The following ANKRD12 variants were observed in gnomAD, a reference collection of about 807,000 sequenced individuals.
ANKRD12 encodes the protein ankyrin repeat domain-containing protein 12.
Under a neutral mutation model 183.4 loss-of-function variants are expected in ANKRD12, and 85 were observed. The ratio of observed to expected loss-of-function variants is 0.46; its 90% confidence interval spans 0.39 to 0.56. ANKRD12 has a LOEUF of 0.56. Among genes scored for constraint, ANKRD12 ranks in the 20% least tolerant of loss-of-function variants. The pLI is 0.00. For missense variants in ANKRD12, 2,405 were observed against 2,357.1 expected (o/e 1.02, Z -0.42); for synonymous variants, 914 against 800.2 (o/e 1.14, Z -2.40).
At chr18:9,150,154 G>A (rs572224054) in intron 1 of ANKRD12, among the ~76,000 whole-genome samples, 1 of 152,240 alleles carries the variant, frequency 6.6e-6, no homozygotes, top group South Asian at 2.1e-4. Context: ...TTCCCGAAAG[G>A]TATAATATTT....
Position 9,281,434 on chromosome 18 carries a change from A to C in ANKRD12, c.*308A>C, listed in dbSNP as rs1468272008. 1 of 189,996 alleles carries C rather than the reference A, an allele frequency of 5.3e-6. No individual in the cohort carries two copies. The highest frequency in any genetic ancestry group is 1.3e-4 in the East Asian group (1 of 7,414). 11.8% of individuals were successfully genotyped at this position (189,996 alleles called of 1,614,324 possible). On this transcript the variant is annotated 3_prime_UTR_variant, in exon 13 of 13. Coordinates refer to ENST00000262126, the MANE Select transcript of ANKRD12 (RefSeq NM_015208.5). ...TCTGCTAACAGCGCTGGAAGTTGTT[A>C]GCGCTCTAAGTAATAAGATAACCAC...
At chr18:9,168,763 T>G (rs2032359970) in intron 1 of ANKRD12, among the ~76,000 whole-genome samples, 1 of 152,212 alleles carries the variant, frequency 6.6e-6, no homozygotes, top group Admixed American at 6.5e-5. Context: ...TTCTGCTACC[T>G]TTTGAATGTG....
intron 1 of ANKRD12, among the ~76,000 whole-genome samples, chr18:9,181,412 G>T (rs2033690775): frequency 6.6e-6 from 1 of 152,322 alleles, no homozygotes; most frequent in Admixed American, 6.5e-5. Flanking sequence ...AGCTAACTTA[G>T]ATCTATGATA....
intron 1 of ANKRD12, among the ~76,000 whole-genome samples, chr18:9,172,592 A>C (rs910295477): frequency 6.6e-6 from 1 of 152,152 alleles, no homozygotes; most frequent in Non-Finnish European, 1.5e-5. Context: ...GCTCCTCTCT[A>C]AACTGGCTAT....
intron 1 of ANKRD12, among the ~76,000 whole-genome samples, chr18:9,152,542 T>TA (rs555157245): frequency 6.6e-4 from 100 of 152,194 alleles, no homozygotes; most frequent in African/African-American, 2.3e-3. Context: ...CTTTTTTTTT[T>TA]AAAGTATATT....
chr18:9,157,703 A>G lies in ANKRD12; in HGVS notation c.-52+20738A>G, dbSNP rs577380314. Among the ~76,000 whole-genome samples the G allele has an allele frequency of 5.6e-4, 84 of 150,786 alleles. 1 individual carries two copies. The highest frequency in any genetic ancestry group is 2.0e-3 in the African/African-American group (83 of 40,958). ...CTGCAACCTCTGCCTCCCTGGTTCAAGCGATTCTTTTGCCTCAGTATGTTA... is the reference window on the plus strand; with the variant it reads ...CTGCAACCTCTGCCTCCCTGGTTCAGGCGATTCTTTTGCCTCAGTATGTTA... On this transcript the variant is annotated intron_variant, in intron 1 of 12. Coordinates refer to ENST00000262126, the MANE Select transcript of ANKRD12 (RefSeq NM_015208.5).
intron 10 of ANKRD12, among the ~76,000 whole-genome samples, chr18:9,266,926 A>G (rs904033861): frequency 1.7e-4 from 26 of 152,334 alleles, no homozygotes; most frequent in Middle Eastern, 3.4e-3. Context: ...AGGAAGATCT[A>G]TCAAGCAAAT....
At chr18:9,242,740 T>C (rs1399447858) in intron 8 of ANKRD12, among the ~76,000 whole-genome samples, 1 of 152,194 alleles carries the variant, frequency 6.6e-6, no homozygotes, top group African/African-American at 2.4e-5. Flanking sequence ...CAGAGTGATG[T>C]GGTACTTGAT....
At chr18:9,147,955 T>C (rs1415409550) in intron 1 of ANKRD12, among the ~76,000 whole-genome samples, 1 of 152,232 alleles carries the variant, frequency 6.6e-6, no homozygotes, top group Non-Finnish European at 1.5e-5. Context: ...TTCTTAATTA[T>C]GAATTTTTCT....
chr18:9,258,199 T>G lies in ANKRD12; in HGVS notation c.4932T>G (p.His1644Gln), dbSNP rs778623307. 1.4e-5 allele frequency: 22 copies of G among 1,613,722 alleles called. No homozygotes were observed. The highest frequency in any genetic ancestry group is 1.8e-5 in the Non-Finnish European group (21 of 1,179,964). Residue 1644 changes from histidine (H) to glutamine (Q), a missense_variant, in exon 9 of 13, where the codon CAT (histidine) becomes CAG (glutamine). This residue lies in a region of ANKRD12 where 1,983 missense variants were observed against 1,725.9 expected (regional missense o/e 1.15). Transcript: ENST00000262126. The stretch of plus-strand genomic sequence containing the variant: ...AACTGGAGAGTTTGGTTTTAACTCA[T>G]TTGAGTAGGTGTGATTCTGATTTAT... Reference protein sequence around the residue: ...ENKLESLVLTHLSRCDSDLCE... With the variant: ...ENKLESLVLTQLSRCDSDLCE...
chr18:9,238,550 A>C (rs1195140451), intron 8 of ANKRD12, among the ~76,000 whole-genome samples: 1 of 152,210 alleles, frequency 6.6e-6, no homozygotes, highest in Non-Finnish European at 1.5e-5. Flanking sequence ...CTCGAGAGTC[A>C]TCTAAACTCC....
In ANKRD12 at chr18:9,199,331, CAG is replaced by C. The variant is rs1450846593; in HGVS notation, c.235+3634_235+3635del. 3.9e-5 allele frequency among the ~76,000 whole-genome samples: 6 copies of C among 152,198 alleles called. No homozygotes were observed. In the East Asian group the frequency reaches 1.2e-3, roughly 29 times the overall value. The stretch of plus-strand genomic sequence containing the variant: ...GGAAGTAAAAAATTAGATTATGAAA[CAG>C]TATGTGCTATTTGCATTAAAATTGT... On this transcript the variant is annotated intron_variant, in intron 3 of 12. Coordinates refer to ENST00000262126, the MANE Select transcript of ANKRD12 (RefSeq NM_015208.5).
At position 9,258,208 on chromosome 18, in the gene ANKRD12, G is replaced by A; in HGVS notation, c.4941G>A (p.Arg1647=). 6.2e-7 allele frequency: 1 copy of A among 1,613,868 alleles called. No individual in the cohort carries two copies. The highest frequency in any genetic ancestry group is 8.5e-7 in the Non-Finnish European group (1 of 1,179,958). Residue 1647 remains arginine (R), a synonymous_variant, in exon 9 of 13, where the codon AGG becomes AGA. Coordinates refer to ENST00000262126, the MANE Select transcript of ANKRD12 (RefSeq NM_015208.5). ...GTTTGGTTTTAACTCATTTGAGTAGGTGTGATTCTGATTTATGTGAAATGA... is the reference window on the plus strand; with the variant it reads ...GTTTGGTTTTAACTCATTTGAGTAGATGTGATTCTGATTTATGTGAAATGA... ...LESLVLTHLS[R]CDSDLCEMNA... is the part of the protein sequence containing the mutation.
intron 2 of ANKRD12, among the ~76,000 whole-genome samples, chr18:9,187,522 C>G (rs2034169638): frequency 6.6e-6 from 1 of 152,040 alleles, no homozygotes; most frequent in South Asian, 2.1e-4. Flanking sequence ...TAACCTAAAC[C>G]AAAATTTCAC....
chr18:9,253,674 AT>A (rs2038428645), intron 8 of ANKRD12, among the ~76,000 whole-genome samples: 1 of 152,296 alleles, frequency 6.6e-6, no homozygotes, highest in Admixed American at 6.5e-5. Flanking sequence ...CAGTATACTA[AT>A]TTCCTCTCAC....
intron 3 of ANKRD12, among the ~76,000 whole-genome samples, chr18:9,199,611 T>A (rs1474810485): frequency 6.6e-6 from 1 of 152,222 alleles, no homozygotes; most frequent in African/African-American, 2.4e-5. Context: ...AACAAGTATA[T>A]AGTTTCTTAA....
chr18:9,141,090 A>G (rs973489601), intron 1 of ANKRD12, among the ~76,000 whole-genome samples: 1 of 152,074 alleles, frequency 6.6e-6, no homozygotes, highest in Non-Finnish European at 1.5e-5. Flanking sequence ...TTCAGATTTC[A>G]TGAAAAATGT....
intron 7 of ANKRD12, among the ~76,000 whole-genome samples, chr18:9,217,362 G>A (rs1009757109): frequency 7.9e-5 from 12 of 152,038 alleles, no homozygotes; most frequent in South Asian, 4.1e-4. Context: ...CGGAACCTCC[G>A]TTTCCTCATC....
At chr18:9,280,000 TCA>T (rs2040033327) in intron 12 of ANKRD12, among the ~76,000 whole-genome samples, 1 of 152,226 alleles carries the variant, frequency 6.6e-6, no homozygotes, top group East Asian at 1.9e-4. Flanking sequence ...TTGAATCATT[TCA>T]GAAGTCTTTC....
Sources: allele counts gnomAD v4.1 joint callset (sites outside exome capture counted in the v4.1 genomes callset), GRCh38; gene constraint gnomAD v4.1.1; regional missense constraint gnomAD v4.1.1; transcripts MANE v1.5; gene names NCBI Gene and HGNC (gene_info 2026-07-23, HGNC 2026-07-21).